UHRF2: variants seen among roughly 807,000 people sequenced by gnomAD.
UHRF2 encodes E3 ubiquitin-protein ligase UHRF2.
Under a neutral mutation model 96.8 loss-of-function variants are expected in UHRF2, and 23 were observed. The observed-to-expected ratio is 0.24, with a 90% CI of 0.17 to 0.34. UHRF2 has a LOEUF of 0.34. Among genes scored for constraint, UHRF2 ranks in the 10% least tolerant of loss-of-function variants. UHRF2 has a pLI of 1.00. For missense variants in UHRF2, 685 were observed against 981.5 expected, an observed-to-expected ratio of 0.70 and a Z score of 4.04; for synonymous variants, 385 against 332.6, an observed-to-expected ratio of 1.16 and a Z score of -1.72.
chr9:6,506,070 C>T lies in UHRF2; in HGVS notation c.2300C>T (p.Ser767Phe), dbSNP rs768477571. ...LQRSFKAQVF[S>F]CPACRHDLGQ... ...CGCTCCTTTAAGGCACAGGTTTTCT[C>T]CTGCCCTGCTTGCCGGCATGATCTT... Residue 767 changes from serine to phenylalanine, a missense_variant, in exon 16 of 16, where the codon TCC becomes TTC. Physicochemically the swap from Ser to Phe is radical, Grantham distance 155 (BLOSUM62 -2). Transcript: ENST00000276893. The T allele has an allele frequency of 1.9e-6, 3 of 1,614,176 alleles. No homozygotes were observed. The highest frequency in any genetic ancestry group is 1.6e-4 in the Middle Eastern group (1 of 6,062).
chr9:6,465,380 G>T (rs2130860739), intron 4 of UHRF2, among the ~76,000 whole-genome samples: 1 of 152,206 alleles, frequency 6.6e-6, no homozygotes, highest in Admixed American at 6.5e-5. Context: ...AGAGTTTTGT[G>T]TCCTTGTCTT....
chr9:6,418,948 A>C (rs1297580151), intron 1 of UHRF2, among the ~76,000 whole-genome samples: 4 of 152,160 alleles, frequency 2.6e-5, no homozygotes, highest in African/African-American at 9.7e-5. Flanking sequence ...TTCTTGGCTT[A>C]TATTAGGTAC....
chr9:6,487,006 A>C (rs1318594588), intron 9 of UHRF2, 81 bp downstream of exon 9: 51 of 1,285,660 alleles, frequency 4.0e-5, no homozygotes, highest in Non-Finnish European at 5.2e-5. Flanking sequence ...GGATACATCA[A>C]ATACTGTTGT....
rs34294660 is a variant in UHRF2 at position 6,445,130 on chromosome 9, TAAAAAA to T, written c.644+10973_644+10978del. 1.1e-4 allele frequency among the ~76,000 whole-genome samples: 13 copies of T among 114,152 alleles called. No homozygotes were observed. The South Asian group carries it at 1.3e-3, about 12-fold the overall frequency. 74.9% of individuals were successfully genotyped at this position (114,152 alleles called of 152,430 possible). A position where few individuals can be genotyped will look rare whatever the true frequency, so the allele number is the denominator to read the frequency against. The stretch of plus-strand genomic sequence containing the variant: ...ACATAGCAAAACCCTATCTCTTATT[TAAAAAA>T]AAAAAAAAAAAAAAAGATTTTGGTT... On this transcript the variant is annotated intron_variant, in intron 3 of 15. Transcript: ENST00000276893.
intron 5 of UHRF2, 89 bp from the exon 6 acceptor site, chr9:6,477,533 A>C (rs1325539207): frequency 5.4e-6 from 7 of 1,291,836 alleles, no homozygotes; most frequent in Non-Finnish European, 7.4e-6. Context: ...TTTCAAAAAA[A>C]ATGCTGTTTC....
chr9:6,493,813 T>C lies in UHRF2; in HGVS notation c.1498-13T>C. 1 of 1,601,744 alleles carries C rather than the reference T, an allele frequency of 6.2e-7. No homozygotes were observed. The highest frequency in any genetic ancestry group is 8.5e-7 in the Non-Finnish European group (1 of 1,175,100). On this transcript the variant is annotated splice_polypyrimidine_tract_variant and intron_variant, in intron 9 of 15. Coordinates refer to ENST00000276893, the MANE Select transcript of UHRF2 (RefSeq NM_152896.3). ...GGTTTAGCTTTCTTAATAAAGAAAA[T>C]CTTCTCTGACAGGACCGAGGTGATG...
At chr9:6,502,657 A>G (rs758738978) in intron 14 of UHRF2, among the ~76,000 whole-genome samples, 1 of 152,192 alleles carries the variant, frequency 6.6e-6, no homozygotes, top group South Asian at 2.1e-4. Flanking sequence ...GTTCCAGGAG[A>G]GCACAGACTG....
intron 4 of UHRF2, among the ~76,000 whole-genome samples, chr9:6,465,600 T>C (rs569621525): frequency 3.3e-4 from 50 of 152,208 alleles, no homozygotes; most frequent in Non-Finnish European, 6.5e-4. Context: ...CCTACATCTT[T>C]TTAATGTGTT....
At chr9:6,452,873 C>T (rs1312051718) in intron 3 of UHRF2, among the ~76,000 whole-genome samples, 1 of 152,250 alleles carries the variant, frequency 6.6e-6, no homozygotes, top group East Asian at 1.9e-4. Context: ...AGAGTTGTCA[C>T]TGTATATTTT....
At chr9:6,434,553 C>G (rs558707396) in intron 3 of UHRF2, among the ~76,000 whole-genome samples, 1 of 152,246 alleles carries the variant, frequency 6.6e-6, no homozygotes, top group South Asian at 2.1e-4. Flanking sequence ...ATTCTCCTGC[C>G]TCAGCCTCCC....
chr9:6,499,860 A>C lies in UHRF2; in HGVS notation c.1934A>C (p.Lys645Thr). 1 of 1,583,762 alleles carries C rather than the reference A, an allele frequency of 6.3e-7. No homozygotes were observed. Among genetic ancestry groups the C allele is most frequent in the Non-Finnish European group, 8.6e-7 (1 of 1,160,542 alleles). The change falls in exon 13 of 16, where the codon AAA (lysine) becomes ACA (threonine). Residue 645 changes from lysine (K) to threonine (T), a missense_variant. Transcript: ENST00000276893. ...TATCCAGCAGGTTACCCTTCAGATAAAGAAGGGAAGAAGCCTAAAGGACAG... is the reference window on the plus strand; with the variant it reads ...TATCCAGCAGGTTACCCTTCAGATACAGAAGGGAAGAAGCCTAAAGGACAG... ...LQYPAGYPSDKEGKKPKGQSK... is the reference protein window; with the variant it reads ...LQYPAGYPSDTEGKKPKGQSK...
chr9:6,430,589 C>T (rs1460554942), intron 2 of UHRF2, among the ~76,000 whole-genome samples: 2 of 152,056 alleles, frequency 1.3e-5, no homozygotes, highest in Non-Finnish European at 2.9e-5. Context: ...ATCCCGAGTC[C>T]ATGCACTTAA....
At chr9:6,493,804 T>TA in intron 9 of UHRF2, 22 bp from the exon 10 acceptor site, 1 of 1,595,184 alleles carries the variant, frequency 6.3e-7, no homozygotes. Flanking sequence ...GCTTTCTTAA[T>TA]AAAGAAAATC....
At chr9:6,447,921 T>A (rs1821614543) in intron 3 of UHRF2, among the ~76,000 whole-genome samples, 1 of 152,128 alleles carries the variant, frequency 6.6e-6, no homozygotes, top group African/African-American at 2.4e-5. Context: ...GCATGTGGAA[T>A]AGAACTAAAA....
At chr9:6,446,114 T>G (rs1821486825) in intron 3 of UHRF2, among the ~76,000 whole-genome samples, 1 of 150,638 alleles carries the variant, frequency 6.6e-6, no homozygotes, top group Middle Eastern at 3.4e-3. Flanking sequence ...TGCCTTAGCC[T>G]CCTAAGTAAC....
At chr9:6,433,869 G>T (rs773224990) in intron 2 of UHRF2, 45 bp from the exon 3 acceptor site, 1 of 1,572,192 alleles carries the variant, frequency 6.4e-7, no homozygotes, top group Non-Finnish European at 8.6e-7. Flanking sequence ...TTTTGAAGCA[G>T]TAGACAAAAT....
intron 2 of UHRF2, among the ~76,000 whole-genome samples, chr9:6,431,906 A>G (rs1268058744): frequency 1.3e-5 from 2 of 152,226 alleles, no homozygotes; most frequent in Non-Finnish European, 2.9e-5. Flanking sequence ...ATTCTCTGCT[A>G]TGCAATATTT....
At chr9:6,504,454 T>C (rs923135160) in intron 14 of UHRF2, 139 bp from the exon 15 acceptor site, 2 of 565,950 alleles carry the variant, frequency 3.5e-6, no homozygotes, top group Non-Finnish European at 3.1e-6. Context: ...ATTGGAATGT[T>C]CATCACTATA....
At chr9:6,449,167 C>T (rs1322437414) in intron 3 of UHRF2, among the ~76,000 whole-genome samples, 1 of 152,206 alleles carries the variant, frequency 6.6e-6, no homozygotes, top group Non-Finnish European at 1.5e-5. Flanking sequence ...TACTGACCAG[C>T]TGCAAGTAGT....
Sources: allele counts gnomAD v4.1 joint callset (sites outside exome capture counted in the v4.1 genomes callset), GRCh38; gene constraint gnomAD v4.1.1; transcripts MANE v1.5; gene names NCBI Gene and HGNC (gene_info 2026-07-23, HGNC 2026-07-21).